The following GRK5 variants were observed in gnomAD, a reference collection of about 807,000 sequenced individuals.
The protein encoded by GRK5 is g protein-coupled receptor kinase GRK5.
Under a neutral mutation model 78.4 loss-of-function variants are expected in GRK5, and 40 were observed. That is an observed-to-expected ratio of 0.51 (90% CI 0.40 to 0.66). The LOEUF (loss-of-function observed/expected upper bound fraction) is 0.66. Ranked by LOEUF, GRK5 falls within the 30% of genes least tolerant of loss-of-function variation. The pLI is 0.00. For synonymous variants in GRK5, 289 were observed against 296.8 expected (o/e 0.97, Z 0.27); for missense variants, 598 against 759.9 (o/e 0.79, Z 2.50).
intron 1 of GRK5, among the ~76,000 whole-genome samples, chr10:119,261,563 G>C (rs923705126): frequency 6.6e-6 from 1 of 152,184 alleles, no homozygotes; most frequent in African/African-American, 2.4e-5. Flanking sequence ...GGAGGTGGAG[G>C]TTGTAGCGAG....
At chr10:119,319,570 AG>A (rs1182630128) in intron 1 of GRK5, among the ~76,000 whole-genome samples, 1 of 152,220 alleles carries the variant, frequency 6.6e-6, no homozygotes. Context: ...GCATGGAATG[AG>A]CTGGATGAGG....
chr10:119,240,211 TTTTTTTTG>T (rs1326826792), intron 1 of GRK5, among the ~76,000 whole-genome samples: 1 of 140,424 alleles, frequency 7.1e-6, no homozygotes, highest in African/African-American at 2.7e-5. Context: ...TTTTTTTTTT[TTTTTTTTG>T]AGACGGAGTC....
rs79757151 is a variant in GRK5, at chr10:119,371,073, G to A, written c.149-9742G>A. ...CCATTTCCTCAGGAAGCCGCGTTCC[G>A]TCCTTGCTCTTACTTCTGAAATTGA... On this transcript the variant is annotated intron_variant, in intron 2 of 15. Transcript: ENST00000392870. Among the ~76,000 whole-genome samples the A allele has an allele frequency of 1.3e-3, 200 of 151,570 alleles. 1 individual carries two copies. The highest frequency in any genetic ancestry group is 4.7e-3 in the African/African-American group (195 of 41,300).
Position 119,207,795 on chromosome 10 carries a change from G to A in GRK5, c.-123G>A, listed in dbSNP as rs1848409739. The stretch of plus-strand genomic sequence containing the variant: ...GCAGGAATAATGCGGTAGGCAAGGC[G>A]GGCTGCTGGCTCCCCCGGCTCCGGC... On this transcript the variant is annotated 5_prime_UTR_variant, in exon 1 of 16. Transcript: ENST00000392870. 1 of 904,402 alleles carries A rather than the reference G, an allele frequency of 1.1e-6. No homozygotes were observed. 56.0% of individuals were successfully genotyped at this position (904,402 alleles called of 1,614,324 possible). A position where few individuals can be genotyped will look rare whatever the true frequency, so the allele number is the denominator to read the frequency against.
intron 4 of GRK5, 61 bp downstream of exon 4, chr10:119,396,833 C>T: frequency 7.7e-7 from 1 of 1,296,994 alleles, no homozygotes; most frequent in Admixed American, 1.7e-5. Context: ...AAAATAGGAG[C>T]CCCTAAGTCT....
At chr10:119,449,107 T>C (rs149897495) in intron 13 of GRK5, among the ~76,000 whole-genome samples, 17 of 152,352 alleles carry the variant, frequency 1.1e-4, no homozygotes, top group African/African-American at 3.8e-4. Flanking sequence ...TGCAGGCGAA[T>C]GACTGCATCT....
chr10:119,421,002 G>A (rs2133882044), intron 4 of GRK5, among the ~76,000 whole-genome samples: 1 of 152,304 alleles, frequency 6.6e-6, no homozygotes, highest in South Asian at 2.1e-4. Flanking sequence ...CACACAGGTG[G>A]GCAACTCAGG....
At chr10:119,326,715 A>T in intron 2 of GRK5, 104 bp downstream of exon 2, 1 of 829,054 alleles carries the variant, frequency 1.2e-6, no homozygotes. Flanking sequence ...CTGTCTGTGC[A>T]GTGAGGCAAA....
intron 3 of GRK5, among the ~76,000 whole-genome samples, chr10:119,393,080 T>G (rs1418981053): frequency 6.6e-6 from 1 of 152,212 alleles, no homozygotes; most frequent in Non-Finnish European, 1.5e-5. Context: ...GTACCTTTCC[T>G]CTGTAGGTGG....
At chr10:119,395,795 G>T (rs1248909003) in intron 3 of GRK5, among the ~76,000 whole-genome samples, 7 of 152,210 alleles carry the variant, frequency 4.6e-5, no homozygotes, top group African/African-American at 1.4e-4. Flanking sequence ...TCTGTGGTGT[G>T]GTTGAGGAGA....
intron 1 of GRK5, among the ~76,000 whole-genome samples, chr10:119,279,394 T>A (rs1016455533): frequency 9.2e-5 from 14 of 152,112 alleles, no homozygotes; most frequent in Admixed American, 6.5e-5. Context: ...GTGCAGTGCT[T>A]ATGATAGAAA....
chr10:119,365,540 C>T (rs538179519), intron 2 of GRK5, among the ~76,000 whole-genome samples: 1 of 152,076 alleles, frequency 6.6e-6, no homozygotes, highest in South Asian at 2.1e-4. Flanking sequence ...TTGGGTGGGA[C>T]CCTTCGGTGA....
chr10:119,449,549 C>T (rs924441341), intron 13 of GRK5, among the ~76,000 whole-genome samples: 2 of 152,062 alleles, frequency 1.3e-5, no homozygotes, highest in African/African-American at 4.8e-5. Flanking sequence ...GCCTATAATC[C>T]CAGCACTTGG....
chr10:119,431,595 A>G lies in GRK5; in HGVS notation c.738+68A>G. On this transcript the variant is annotated intron_variant, in intron 8 of 15. Coordinates refer to ENST00000392870, the MANE Select transcript of GRK5 (RefSeq NM_005308.3). The surrounding 1 kb of genome is among the most constrained non-coding windows in gnomAD (Gnocchi z 4.8). ...GGACTGGGGCTTCCCTCCCTCCGGA[A>G]GGGCGTGGTCCTCTAATGCGGCCGG... The G allele has an allele frequency of 1.9e-6, 3 of 1,565,778 alleles. No homozygotes were observed. Among genetic ancestry groups the G allele is most frequent in the Non-Finnish European group, 2.6e-6 (3 of 1,153,366 alleles).
chr10:119,396,033 C>T (rs192196519), intron 3 of GRK5, among the ~76,000 whole-genome samples: 1 of 152,180 alleles, frequency 6.6e-6, no homozygotes, highest in Non-Finnish European at 1.5e-5. Flanking sequence ...TGGAAAAGAC[C>T]AGGCATCCAC....
intron 4 of GRK5, among the ~76,000 whole-genome samples, chr10:119,408,471 G>A (rs1852282027): frequency 6.6e-6 from 1 of 152,084 alleles, no homozygotes; most frequent in African/African-American, 2.4e-5. Flanking sequence ...ACGGATGAAT[G>A]GATAAGCAAA....
chr10:119,364,638 G>A (rs540132987), intron 2 of GRK5, among the ~76,000 whole-genome samples: 3 of 152,146 alleles, frequency 2.0e-5, no homozygotes, highest in Admixed American at 6.5e-5. Flanking sequence ...ATGCAGTTAC[G>A]GTCTGACCTT....
At chr10:119,215,152 T>A (rs1460894500) in intron 1 of GRK5, among the ~76,000 whole-genome samples, 2 of 152,262 alleles carry the variant, frequency 1.3e-5, no homozygotes, top group Non-Finnish European at 2.9e-5. Context: ...AGCCACTAGC[T>A]GTATGTTGTT....
At chr10:119,337,700 AC>A (rs1850915441) in intron 2 of GRK5, among the ~76,000 whole-genome samples, 1 of 138,700 alleles carries the variant, frequency 7.2e-6, no homozygotes, top group African/African-American at 2.7e-5. Context: ...GCTCACTGCA[AC>A]CTCCACCTCC....
Sources: allele counts gnomAD v4.1 joint callset (sites outside exome capture counted in the v4.1 genomes callset), GRCh38; gene constraint gnomAD v4.1.1; non-coding constraint Gnocchi (gnomAD v3.1); transcripts MANE v1.5; gene names NCBI Gene and HGNC (gene_info 2026-07-23, HGNC 2026-07-21).